SUMF1: variants seen among roughly 807,000 people sequenced by gnomAD.
SUMF1 encodes the protein formylglycine-generating enzyme.
Under a neutral mutation model 47.6 loss-of-function variants are expected in SUMF1, and 48 were observed. That is an observed-to-expected ratio of 1.01 (90% CI 0.80 to 1.28). SUMF1 has a LOEUF of 1.28. Among genes scored for constraint, SUMF1 ranks in the 50% most tolerant of loss-of-function variants. The probability of loss-of-function intolerance (pLI) is 0.00; values close to 1 mark genes in which losing one functional copy is unlikely to be tolerated. For synonymous variants in SUMF1, 230 were observed against 192.1 expected (o/e 1.20, Z -1.63); for missense variants, 571 against 485.4 (o/e 1.18, Z -1.66).
chr3:4,070,645 CT>C (rs533281902), intron 8 of SUMF1, among the ~76,000 whole-genome samples: 3 of 150,790 alleles, frequency 2.0e-5, no homozygotes, highest in African/African-American at 7.3e-5. Context: ...TTTCTTTTTT[CT>C]TTTTTTTTAG....
At chr3:4,446,740 T>C (rs1702794520) in intron 3 of SUMF1, among the ~76,000 whole-genome samples, 1 of 152,180 alleles carries the variant, frequency 6.6e-6, no homozygotes, top group Non-Finnish European at 1.5e-5. Flanking sequence ...ACAGATGAAC[T>C]GCACCATGAC....
At chr3:4,184,968 G>C (rs1261701282) in intron 8 of SUMF1, among the ~76,000 whole-genome samples, 3 of 151,850 alleles carry the variant, frequency 2.0e-5, no homozygotes, top group Admixed American at 2.0e-4. Flanking sequence ...CTTTTAAAAA[G>C]GTCTCCAAAA....
chr3:4,198,743 C>T (rs1173145473), intron 8 of SUMF1, among the ~76,000 whole-genome samples: 1 of 152,020 alleles, frequency 6.6e-6, no homozygotes, highest in Non-Finnish European at 1.5e-5. Context: ...AACCCTCTCC[C>T]GCTGAGTCTC....
At chr3:4,431,638 G>A (rs1432635170) in intron 3 of SUMF1, among the ~76,000 whole-genome samples, 1 of 152,188 alleles carries the variant, frequency 6.6e-6, no homozygotes, top group Non-Finnish European at 1.5e-5. Context: ...GAATATTGGA[G>A]CAGAAAAGGC....
At chr3:4,271,937 G>T (rs547589383) in intron 8 of SUMF1, among the ~76,000 whole-genome samples, 2 of 152,200 alleles carry the variant, frequency 1.3e-5, no homozygotes, top group Non-Finnish European at 2.9e-5. Context: ...TCTGGTTGAT[G>T]TAAGATAAGC....
intron 8 of SUMF1, among the ~76,000 whole-genome samples, chr3:4,136,732 G>A (rs1283814821): frequency 1.3e-5 from 2 of 148,742 alleles, no homozygotes; most frequent in African/African-American, 5.0e-5. Context: ...TCTGACAAAG[G>A]GCTAATATCC....
intron 8 of SUMF1, among the ~76,000 whole-genome samples, chr3:4,089,142 T>C (rs2125051469): frequency 6.6e-6 from 1 of 152,240 alleles, no homozygotes; most frequent in African/African-American, 2.4e-5. Flanking sequence ...CCCTCATGTA[T>C]TCTGAAACTC....
At chr3:4,416,635 CCT>C (rs947605313) in intron 6 of SUMF1, among the ~76,000 whole-genome samples, 7 of 152,222 alleles carry the variant, frequency 4.6e-5, no homozygotes, top group Non-Finnish European at 1.0e-4. Flanking sequence ...AGTTAGTTAA[CCT>C]CTCTGTGCCT....
chr3:4,224,895 T>C (rs894707767), intron 8 of SUMF1, among the ~76,000 whole-genome samples: 12 of 152,096 alleles, frequency 7.9e-5, no homozygotes, highest in African/African-American at 2.4e-4. Context: ...CCTACAGTTC[T>C]CTCCTTAATT....
chr3:4,341,120 C>G lies in SUMF1; in HGVS notation c.1014+35210G>C, dbSNP rs191185361. On this transcript the variant is annotated intron_variant and NMD_transcript_variant, in intron 8 of 12. Coordinates refer to the SUMF1 transcript ENST00000448413. ...TTTTCTCCTGAACTGTCTGTATCCC[C>G]CAAAAAGTAACAAAAAACATCACAT... 3.3e-5 allele frequency among the ~76,000 whole-genome samples: 5 copies of G among 152,046 alleles called. No individual in the cohort carries two copies. In the East Asian group the frequency reaches 9.7e-4, roughly 29 times the overall value.
At chr3:4,231,058 G>A (rs535115320) in intron 8 of SUMF1, among the ~76,000 whole-genome samples, 12 of 152,210 alleles carry the variant, frequency 7.9e-5, no homozygotes, top group Admixed American at 2.6e-4. Context: ...CCCATTTCTA[G>A]AGAAAGAACA....
At chr3:4,376,539 C>T (rs1158610792) in intron 7 of SUMF1, 150 bp from the exon 8 acceptor site, 3 of 805,908 alleles carry the variant, frequency 3.7e-6, no homozygotes, top group East Asian at 2.5e-5. Context: ...TATCTGTATT[C>T]GTGGGCTCTC....
chr3:4,453,384 T>G (rs953949068), intron 1 of SUMF1, among the ~76,000 whole-genome samples: 1 of 152,098 alleles, frequency 6.6e-6, no homozygotes, highest in South Asian at 2.1e-4. Context: ...TCTTTTTTTT[T>G]TGAGACAGGT....
At chr3:4,237,379 T>C (rs1283585441) in intron 8 of SUMF1, among the ~76,000 whole-genome samples, 6 of 152,122 alleles carry the variant, frequency 3.9e-5, no homozygotes, top group Non-Finnish European at 7.4e-5. Context: ...TAATGACATA[T>C]GATGTTGAAC....
intron 8 of SUMF1, among the ~76,000 whole-genome samples, chr3:4,206,827 G>C (rs893046817): frequency 6.6e-6 from 1 of 151,060 alleles, no homozygotes; most frequent in Non-Finnish European, 1.5e-5. Flanking sequence ...TTTAAATTTT[G>C]TTTATTCTAG....
At chr3:4,460,824 T>A (rs78385618) in intron 1 of SUMF1, among the ~76,000 whole-genome samples, 1 of 146,222 alleles carries the variant, frequency 6.8e-6, no homozygotes, top group African/African-American at 2.5e-5. Flanking sequence ...ACCCTGCTAA[T>A]TTTTTTTTTT....
intron 7 of SUMF1, among the ~76,000 whole-genome samples, chr3:4,378,982 CTT>C (rs1274124819): frequency 1.3e-5 from 2 of 152,216 alleles, no homozygotes; most frequent in Non-Finnish European, 2.9e-5. Context: ...AACTACGACA[CTT>C]ATCACAGTGA....
At chr3:4,189,694 G>GAA (rs1695274847) in intron 8 of SUMF1, among the ~76,000 whole-genome samples, 1 of 104,112 alleles carries the variant, frequency 9.6e-6, no homozygotes, top group South Asian at 3.1e-4. Context: ...AGATTTTGAA[G>GAA]AACTAAAGGA....
intron 9 of SUMF1, among the ~76,000 whole-genome samples, chr3:4,050,707 C>T (rs1695092889): frequency 7.3e-6 from 1 of 137,140 alleles, no homozygotes; most frequent in Non-Finnish European, 1.5e-5. Context: ...CATGCCACTG[C>T]ACTCCACTTC....
Sources: allele counts gnomAD v4.1 joint callset (sites outside exome capture counted in the v4.1 genomes callset), GRCh38; gene constraint gnomAD v4.1.1; transcripts MANE v1.5; gene names NCBI Gene and HGNC (gene_info 2026-07-23, HGNC 2026-07-21).